The following ATOH8 variants were observed in gnomAD, a reference collection of about 807,000 sequenced individuals.
The protein encoded by ATOH8 is atonal bHLH transcription factor 8.
Under a neutral mutation model 21.2 loss-of-function variants are expected in ATOH8, and 9 were observed. The observed-to-expected ratio is 0.42, with a 90% confidence interval of 0.26 to 0.74. The LOEUF (loss-of-function observed/expected upper bound fraction) is 0.74. Ranked by LOEUF, ATOH8 falls within the 30% of genes least tolerant of loss-of-function variation. The probability of loss-of-function intolerance (pLI) is 0.24; values close to 1 mark genes in which losing one functional copy is unlikely to be tolerated. For synonymous variants in ATOH8, 253 were observed against 224.0 expected, an observed-to-expected ratio of 1.13 and a Z score of -1.16; for missense variants, 524 against 470.9, an observed-to-expected ratio of 1.11 and a Z score of -1.04.
chr2:85,758,544 C>T (rs1679779873), intron 1 of ATOH8, among the ~76,000 whole-genome samples: 1 of 152,240 alleles, frequency 6.6e-6, no homozygotes, highest in South Asian at 2.1e-4. Flanking sequence ...CTCAGCCTGT[C>T]TAATGTCCTG....
intron 2 of ATOH8, among the ~76,000 whole-genome samples, chr2:85,768,541 C>T: frequency 6.6e-6 from 1 of 151,434 alleles, no homozygotes; most frequent in East Asian, 1.9e-4. Flanking sequence ...TTTGAACTGT[C>T]CCATGCAGGG....
At chr2:85,777,899 G>C (rs1288272120) in intron 2 of ATOH8, among the ~76,000 whole-genome samples, 2 of 152,226 alleles carry the variant, frequency 1.3e-5, no homozygotes, top group African/African-American at 4.8e-5. Flanking sequence ...AAATACCGAA[G>C]GGCGGCTCCT....
At chr2:85,767,004 A>G (rs1680034735) in intron 2 of ATOH8, among the ~76,000 whole-genome samples, 1 of 152,074 alleles carries the variant, frequency 6.6e-6, no homozygotes, top group Non-Finnish European at 1.5e-5. Context: ...AGGGGAGGGT[A>G]CTTCCCTGCC....
chr2:85,790,027 A>T lies in ATOH8; in HGVS notation c.*3137A>T, dbSNP rs1450261293. Among the ~76,000 whole-genome samples, 2 of 152,210 alleles carry T rather than the reference A, an allele frequency of 1.3e-5. No individual in the cohort carries two copies. The highest frequency in any genetic ancestry group is 1.9e-4 in the East Asian group (1 of 5,190). On this transcript the variant is annotated 3_prime_UTR_variant, in exon 3 of 3. Transcript: ENST00000306279. The stretch of plus-strand genomic sequence containing the variant: ...GGAATTACATTTCAGATAGATTCAG[A>T]TTCCAACGGCAGTCTTCTAAACACT...
At position 85,754,231 on chromosome 2, in the gene ATOH8, C is replaced by G. The variant is rs1422072776; in HGVS notation, c.42C>G (p.Thr14=). Residue 14 remains threonine, a synonymous_variant, in exon 1 of 3, where the codon ACC becomes ACG. Transcript: ENST00000306279. ...TCCTCGAGGACGGGCCGTGGAAGAC[C>G]GTGTGCGTGAAGGAGCTGAACGGCC... ...IPVLEDGPWK[T]VCVKELNGLK... is the part of the protein sequence containing the mutation. 1.2e-6 allele frequency: 2 copies of G among 1,607,898 alleles called. No individual in the cohort carries two copies. Among genetic ancestry groups the G allele is most frequent in the Non-Finnish European group, 1.7e-6 (2 of 1,177,970 alleles).
intron 1 of ATOH8, among the ~76,000 whole-genome samples, chr2:85,757,326 G>A (rs569928141): frequency 5.9e-5 from 9 of 152,368 alleles, no homozygotes; most frequent in Admixed American, 5.2e-4. Flanking sequence ...TGTTCTGGAG[G>A]AGCCCCTTCC....
intron 1 of ATOH8, chr2:85,760,639 T>C (rs1431244513): frequency 6.6e-6 from 1 of 152,228 alleles, no homozygotes; most frequent in Non-Finnish European, 1.5e-5. Context: ...AGTGACCATT[T>C]CTACCTCATT....
intron 2 of ATOH8, chr2:85,774,576 T>C (rs1212792153): frequency 1.0e-6 from 1 of 985,468 alleles, no homozygotes; most frequent in African/African-American, 1.7e-5. Flanking sequence ...CCGGCGCCTG[T>C]CTTAGCTGCC....
rs751479937 is a variant in ATOH8 at position 85,785,164 on chromosome 2, C to T, written c.961-1721C>T. On this transcript the variant is annotated intron_variant, in intron 2 of 2. Transcript: ENST00000306279. The surrounding 1 kb of genome is among the most constrained non-coding windows in gnomAD (Gnocchi z 4.1). Reference sequence around the variant, plus strand: ...ACCCAGCCTCCCCTTCTTCCTCAGGCCACGGGCAGGCTGAACAAGAGAAAA... The same window carrying T: ...ACCCAGCCTCCCCTTCTTCCTCAGGTCACGGGCAGGCTGAACAAGAGAAAA... 1.3e-5 allele frequency among the ~76,000 whole-genome samples: 2 copies of T among 152,254 alleles called. No individual in the cohort carries two copies. Among genetic ancestry groups the T allele is most frequent in the Non-Finnish European group, 2.9e-5 (2 of 68,046 alleles).
rs7605132 is a variant in ATOH8 at position 85,791,309 on chromosome 2, C to G, written c.*4419C>G. ...CTAATTCAACCCCTGATCCTCGAAA[C>G]GGCTTTCTTGCAAAGTGTATATATT... On this transcript the variant is annotated 3_prime_UTR_variant, in exon 3 of 3. Transcript: ENST00000306279. Among the ~76,000 whole-genome samples the G allele has an allele frequency of 1.3e-5, 2 of 152,268 alleles. No individual in the cohort carries two copies. The highest frequency in any genetic ancestry group is 4.1e-4 in the South Asian group (2 of 4,826).
chr2:85,758,705 G>C (rs963129232), intron 1 of ATOH8, among the ~76,000 whole-genome samples: 1 of 152,210 alleles, frequency 6.6e-6, no homozygotes, highest in Non-Finnish European at 1.5e-5. Context: ...GTCTGGTCTG[G>C]TCTGGGCTGG....
rs1221897372 is a variant in ATOH8 at position 85,788,571 on chromosome 2, T to C, written c.*1681T>C. Among the ~76,000 whole-genome samples the C allele has an allele frequency of 6.6e-6, 1 of 151,998 alleles. No homozygotes were observed. The highest frequency in any genetic ancestry group is 1.5e-5 in the Non-Finnish European group (1 of 67,988). ...CTAAGGTAGGGACAATAAAGGCCCA[T>C]TGGGACTGGGGGAAGGGGTGATAAG... On this transcript the variant is annotated 3_prime_UTR_variant, in exon 3 of 3. Coordinates refer to ENST00000306279, the MANE Select transcript of ATOH8 (RefSeq NM_032827.7).
At position 85,766,006 on chromosome 2, in the gene ATOH8, G is replaced by A. The variant is rs904934662; in HGVS notation, c.960+1824G>A. Among the ~76,000 whole-genome samples the A allele has an allele frequency of 6.6e-6, 1 of 152,182 alleles. No individual in the cohort carries two copies. Among genetic ancestry groups the A allele is most frequent in the Non-Finnish European group, 1.5e-5 (1 of 68,026 alleles). On this transcript the variant is annotated intron_variant, in intron 2 of 2. Transcript: ENST00000306279. The surrounding 1 kb of genome is among the most constrained non-coding windows in gnomAD (Gnocchi z 4.0). ...GAGCATAGCACAGCCCCGAGTTCAA[G>A]CCCTGGCTCACCACTCACCAGCTGT...
intron 2 of ATOH8, among the ~76,000 whole-genome samples, chr2:85,775,630 C>T (rs910617660): frequency 1.3e-5 from 2 of 152,190 alleles, no homozygotes; most frequent in African/African-American, 2.4e-5. Context: ...GCTTTTCATC[C>T]TCAAGCTGCA....
chr2:85,782,621 C>T (rs769938237), intron 2 of ATOH8, among the ~76,000 whole-genome samples: 1 of 152,144 alleles, frequency 6.6e-6, no homozygotes, highest in Non-Finnish European at 1.5e-5. Flanking sequence ...TATATAAAGC[C>T]ACAGTGAGTA....
At position 85,789,209 on chromosome 2, in the gene ATOH8, C is replaced by A. The variant is rs990282822; in HGVS notation, c.*2319C>A. On this transcript the variant is annotated 3_prime_UTR_variant, in exon 3 of 3. Transcript: ENST00000306279. ...CCATCCTCCACCTCCCATCCCCCTCCTGCATACATACTTCATTACATGTTT... is the reference window on the plus strand; with the variant it reads ...CCATCCTCCACCTCCCATCCCCCTCATGCATACATACTTCATTACATGTTT... Among the ~76,000 whole-genome samples the A allele has an allele frequency of 6.6e-6, 1 of 152,198 alleles. No homozygotes were observed. Among genetic ancestry groups the A allele is most frequent in the Admixed American group, 6.5e-5 (1 of 15,278 alleles).
chr2:85,764,118 T>C lies in ATOH8; in HGVS notation c.896T>C (p.Phe299Ser). Residue 299 changes from phenylalanine (F) to serine (S), a missense_variant, in exon 2 of 3, where the codon TTC (phenylalanine) becomes TCC (serine). By Grantham distance (155) the Phe-to-Ser change is radical. Transcript: ENST00000306279. ...DYSADHSNLS[F>S]SECVQRCTRT... Reference sequence around the variant, plus strand: ...AGTGCCGACCACAGCAACCTCAGCTTCTCCGAGTGTGTGCAGCGCTGCACC... The same window carrying C: ...AGTGCCGACCACAGCAACCTCAGCTCCTCCGAGTGTGTGCAGCGCTGCACC... The C allele has an allele frequency of 6.2e-7, 1 of 1,614,064 alleles. No individual in the cohort carries two copies.
At chr2:85,786,139 A>G (rs774194232) in intron 2 of ATOH8, among the ~76,000 whole-genome samples, 5 of 152,114 alleles carry the variant, frequency 3.3e-5, no homozygotes, top group Non-Finnish European at 5.9e-5. Context: ...TAACCCAGCA[A>G]TTTTCGAACT....
intron 2 of ATOH8, among the ~76,000 whole-genome samples, chr2:85,776,065 C>T (rs570303935): frequency 1.3e-5 from 2 of 152,308 alleles, no homozygotes; most frequent in African/African-American, 2.4e-5. Flanking sequence ...TTTGCAGAGC[C>T]CTCTCACACC....
Sources: gnomAD v4.1 joint callset for allele counts (sites outside exome capture counted in the v4.1 genomes callset) on GRCh38, gnomAD v4.1.1 for gene constraint, Gnocchi (gnomAD v3.1) non-coding constraint, MANE v1.5 for transcripts, NCBI Gene and HGNC (gene_info 2026-07-23, HGNC 2026-07-21) for gene names.